Variants in SYT2 observed in about 807,000 individuals in gnomAD.
The protein encoded by SYT2 is synaptotagmin 2.
A neutral mutation model predicts 39.9 loss-of-function variants in SYT2; 15 were observed. The ratio of observed to expected loss-of-function variants is 0.38; its 90% CI spans 0.25 to 0.58. SYT2 has a LOEUF of 0.58. Among genes scored for constraint, SYT2 ranks in the 20% least tolerant of loss-of-function variants. The pLI, the probability that SYT2 is intolerant of heterozygous loss-of-function variation, is 0.70. For synonymous variants in SYT2, 181 were observed against 204.5 expected, an observed-to-expected ratio of 0.89 and a Z score of 0.98; for missense variants, 389 against 530.3, an observed-to-expected ratio of 0.73 and a Z score of 2.62.
chr1:202,591,893 G>A lies in SYT2; in HGVS notation c.*4864C>T, dbSNP rs1181820805. ...CTGTCTGCTCCTCGCCCAGCGTAGA[G>A]ATGGAGCTGAACTGTGAACCCAGGC... On this transcript the variant is annotated 3_prime_UTR_variant, in exon 9 of 9. Coordinates refer to ENST00000367268, the MANE Select transcript of SYT2 (RefSeq NM_177402.5). The A allele has an allele frequency of 6.5e-6, 1 of 152,800 alleles. No homozygotes were observed. The highest frequency in any genetic ancestry group is 1.5e-5 in the Non-Finnish European group (1 of 68,150). 9.5% of individuals were successfully genotyped at this position (152,800 alleles called of 1,614,324 possible). A position where few individuals can be genotyped will look rare whatever the true frequency, so the allele number is the denominator to read the frequency against.
intron 1 of SYT2, among the ~76,000 whole-genome samples, chr1:202,688,115 C>T (rs1653719846): frequency 6.6e-6 from 1 of 152,014 alleles, no homozygotes; most frequent in Non-Finnish European, 1.5e-5. Context: ...GTCACTGACA[C>T]CCCCCCATAC....
In SYT2 at chr1:202,596,224, A is replaced by T. The variant is rs1690279409; in HGVS notation, c.*533T>A. On this transcript the variant is annotated 3_prime_UTR_variant, in exon 9 of 9. Transcript: ENST00000367268. ...GGAATGAAGAGAGATGCTCAAAGAG[A>T]CACACACACACACACATTCCAGGAA... is the stretch of plus-strand genomic sequence containing the variant. The T allele has an allele frequency of 2.0e-5, 3 of 150,812 alleles. 1 individual carries two copies. The highest frequency in any genetic ancestry group is 1.3e-4 in the Admixed American group (2 of 15,082). The allele number at this position is 150,812 out of a possible 1,614,324, so 9.3% of individuals were successfully genotyped here.
At chr1:202,616,966 A>C (rs1476929742) in intron 1 of SYT2, among the ~76,000 whole-genome samples, 2 of 152,194 alleles carry the variant, frequency 1.3e-5, no homozygotes, top group Non-Finnish European at 2.9e-5. Context: ...ATTTGCCACC[A>C]AGGCAATCTT....
chr1:202,674,739 A>G (rs575156070), intron 1 of SYT2, among the ~76,000 whole-genome samples: 1 of 152,210 alleles, frequency 6.6e-6, no homozygotes, highest in South Asian at 2.1e-4. Flanking sequence ...ATCTGACCTC[A>G]GCAGTCCAGG....
chr1:202,643,238 G>T (rs1691975155), intron 1 of SYT2: 1 of 151,976 alleles, frequency 6.6e-6, no homozygotes, highest in Non-Finnish European at 1.5e-5. Flanking sequence ...GGGACTACTG[G>T]CTGCCCTCGT....
In SYT2 at chr1:202,595,774, G is replaced by A. The variant is rs1186965553; in HGVS notation, c.*983C>T. ...AAAGCATCTGTGTTTCCCACTGGATGGGGTGAAGATCCAGGAGTTTAATTT... is the reference window on the plus strand; with the variant it reads ...AAAGCATCTGTGTTTCCCACTGGATAGGGTGAAGATCCAGGAGTTTAATTT... On this transcript the variant is annotated 3_prime_UTR_variant, in exon 9 of 9. Transcript: ENST00000367268. 6.6e-6 allele frequency: 1 copy of A among 152,252 alleles called. No homozygotes were observed. The highest frequency in any genetic ancestry group is 1.5e-5 in the Non-Finnish European group (1 of 68,044). 9.4% of individuals were successfully genotyped at this position (152,252 alleles called of 1,614,324 possible).
At chr1:202,642,881 G>A (rs1691959164) in intron 1 of SYT2, among the ~76,000 whole-genome samples, 1 of 152,248 alleles carries the variant, frequency 6.6e-6, no homozygotes, top group East Asian at 1.9e-4. Context: ...TCTGCGGCGA[G>A]TCGCCTTCGC....
At chr1:202,678,934 C>A (rs570162483) in intron 1 of SYT2, among the ~76,000 whole-genome samples, 41 of 152,268 alleles carry the variant, frequency 2.7e-4, no homozygotes, top group South Asian at 4.1e-4. Context: ...GCCCTACATT[C>A]TGAACCCTTC....
intron 1 of SYT2, among the ~76,000 whole-genome samples, chr1:202,644,439 C>A (rs1692030548): frequency 1.3e-5 from 2 of 150,950 alleles, no homozygotes; most frequent in South Asian, 4.2e-4. Context: ...CTCAGTGTCA[C>A]CCTTGGGCCT....
chr1:202,639,914 T>A, intron 1 of SYT2: 1 of 878,684 alleles, frequency 1.1e-6, no homozygotes, highest in Non-Finnish European at 1.4e-6. Flanking sequence ...GCCCTCTCTG[T>A]GATAACATAG....
Position 202,607,130 on chromosome 1 carries a change from G to T in SYT2, c.-17-1341C>A, listed in dbSNP as rs1370189747. 9.2e-5 allele frequency among the ~76,000 whole-genome samples: 14 copies of T among 152,198 alleles called. No individual in the cohort carries two copies. In the East Asian group the frequency reaches 2.7e-3, roughly 29 times the overall value. The stretch of plus-strand genomic sequence containing the variant: ...TCCAAACTCTGCCCCCCATAATTCT[G>T]TCCTCTCCACCAAGCTCTTTCTGCT... On this transcript the variant is annotated intron_variant, in intron 1 of 8. Coordinates refer to ENST00000367268, the MANE Select transcript of SYT2 (RefSeq NM_177402.5).
At chr1:202,607,320 G>C (rs1207476870) in intron 1 of SYT2, among the ~76,000 whole-genome samples, 4 of 152,200 alleles carry the variant, frequency 2.6e-5, no homozygotes, top group Non-Finnish European at 5.9e-5. Context: ...ATTCCAGGAT[G>C]CAAGAATAAA....
chr1:202,632,656 A>T, intron 1 of SYT2: 1 of 909,960 alleles, frequency 1.1e-6, no homozygotes, highest in Non-Finnish European at 1.3e-6. Flanking sequence ...ACACAGAGAC[A>T]CAGACCTGCC....
rs1690171832 is a variant in SYT2 at position 202,592,799 on chromosome 1, A to G, written c.*3958T>C. ...CTTGGGACCAAAGGGAGAGGGGGAA[A>G]AGTCATAGGGTAGGGTTCCCAGACA... On this transcript the variant is annotated 3_prime_UTR_variant, in exon 9 of 9. Transcript: ENST00000367268. The G allele has an allele frequency of 6.6e-6, 1 of 152,222 alleles. No homozygotes were observed. Among genetic ancestry groups the G allele is most frequent in the African/African-American group, 2.4e-5 (1 of 41,454 alleles). 9.4% of individuals were successfully genotyped at this position (152,222 alleles called of 1,614,324 possible). A position where few individuals can be genotyped will look rare whatever the true frequency, so the allele number is the denominator to read the frequency against.
At chr1:202,597,107 A>G in intron 8 of SYT2, 144 bp from the exon 9 acceptor site, 2 of 689,674 alleles carry the variant, frequency 2.9e-6, no homozygotes, top group Non-Finnish European at 4.9e-6. Context: ...TCCAGTGAAG[A>G]CTGAATTGAC....
chr1:202,694,109 G>T (rs887080515), intron 1 of SYT2, among the ~76,000 whole-genome samples: 1 of 152,260 alleles, frequency 6.6e-6, no homozygotes, highest in East Asian at 1.9e-4. Flanking sequence ...CTCCCACCCG[G>T]CCCCACTTCC....
At chr1:202,624,932 GGT>G (rs749371896) in intron 1 of SYT2, among the ~76,000 whole-genome samples, 1 of 16,274 alleles carries the variant, frequency 6.1e-5, no homozygotes, top group Non-Finnish European at 1.8e-4. Flanking sequence ...GTGTCTGTGT[GGT>G]GTGTTTGTGT....
intron 1 of SYT2, among the ~76,000 whole-genome samples, chr1:202,620,827 C>T (rs756312737): frequency 2.6e-5 from 4 of 152,144 alleles, no homozygotes; most frequent in Non-Finnish European, 5.9e-5. Flanking sequence ...CTCACACTCT[C>T]AGTAGTTCTG....
chr1:202,630,094 T>C (rs1691537844), intron 1 of SYT2, among the ~76,000 whole-genome samples: 1 of 151,782 alleles, frequency 6.6e-6, no homozygotes, highest in African/African-American at 2.4e-5. Context: ...AATGACTCCA[T>C]GGCAATAGAG....
Sources: gnomAD v4.1 joint callset for allele counts (sites outside exome capture counted in the v4.1 genomes callset) on GRCh38, gnomAD v4.1.1 for gene constraint, MANE v1.5 for transcripts, NCBI Gene and HGNC (gene_info 2026-07-23, HGNC 2026-07-21) for gene names.